PCDHGA4: variants seen among roughly 807,000 people sequenced by gnomAD.
PCDHGA4 encodes protocadherin gamma subfamily A, 4, also known as protocadherin gamma-A4.
PCDHGA4 carries 38 observed loss-of-function variants against 54.6 expected under a neutral mutation model. The observed-to-expected ratio is 0.70, with a 90% CI of 0.54 to 0.91. The LOEUF is 0.91. Among genes scored for constraint, PCDHGA4 ranks in the 40% least tolerant of loss-of-function variants. PCDHGA4 has a pLI of 0.00. For missense variants in PCDHGA4, 1,298 were observed against 1,220.9 expected, an observed-to-expected ratio of 1.06 and a Z score of -0.94; for synonymous variants, 511 against 512.9, an observed-to-expected ratio of 1.00 and a Z score of 0.05.
intron 1 of PCDHGA4, among the ~76,000 whole-genome samples, chr5:141,444,000 A>T (rs2098413157): frequency 6.6e-6 from 1 of 152,070 alleles, no homozygotes; most frequent in African/African-American, 2.4e-5. Context: ...TTTAAATGCT[A>T]CCTGGGTATT....
At position 141,485,791 on chromosome 5, in the gene PCDHGA4, G is replaced by A; in HGVS notation, c.2515-9016G>A. The A allele has an allele frequency of 6.2e-7, 1 of 1,614,196 alleles. No homozygotes were observed. The highest frequency in any genetic ancestry group is 8.5e-7 in the Non-Finnish European group (1 of 1,180,032). ...AGCCTTTGGATCGAGAGAAGCAATC[G>A]GACTACCGCCTGGTGCTGACTGCTG... On this transcript the variant is annotated intron_variant, in intron 1 of 3. Transcript: ENST00000571252. The surrounding 1 kb of genome is among the most constrained non-coding windows in gnomAD (Gnocchi z 5.7).
intron 1 of PCDHGA4, chr5:141,404,997 C>T: frequency 6.2e-7 from 1 of 1,614,034 alleles, no homozygotes; most frequent in East Asian, 2.2e-5. Flanking sequence ...CAGATCCCTG[C>T]AGACCTGGAG....
chr5:141,468,339 A>G (rs1320544911), intron 1 of PCDHGA4: 2 of 151,348 alleles, frequency 1.3e-5, no homozygotes, highest in Non-Finnish European at 2.9e-5. Context: ...TCAAAAAAAA[A>G]AAAAAAAAAA....
At chr5:141,422,500 G>A (rs762511271) in intron 1 of PCDHGA4, 1 of 1,614,008 alleles carries the variant, frequency 6.2e-7, no homozygotes, top group Non-Finnish European at 8.5e-7. Flanking sequence ...AACGTTGACA[G>A]CCACAGACCA....
At chr5:141,383,991 A>C in intron 1 of PCDHGA4, 1 of 1,613,866 alleles carries the variant, frequency 6.2e-7, no homozygotes, top group Non-Finnish European at 8.5e-7. Flanking sequence ...CTCTTGGGAC[A>C]GTCATTGCTC....
rs759642890 is a variant in PCDHGA4 at position 141,389,812 on chromosome 5, C to A, written c.2514+32191C>A. ...GCCGTCCGCCAGCGCCTTCTGGTCG[C>A]CGTGCGTGACGGTGGACAGCCACCA... On this transcript the variant is annotated intron_variant, in intron 1 of 3. Transcript: ENST00000571252. 6.8e-6 allele frequency: 11 copies of A among 1,613,768 alleles called. No individual in the cohort carries two copies. The South Asian group carries it at 1.2e-4, about 18-fold the overall frequency.
rs938964469 is a variant in PCDHGA4 at position 141,485,439 on chromosome 5, C to T, written c.2515-9368C>T. On this transcript the variant is annotated intron_variant, in intron 1 of 3. Transcript: ENST00000571252. This position sits in a 1 kb window ranked among gnomAD's most constrained non-coding sequence, Gnocchi z 5.7. The stretch of plus-strand genomic sequence containing the variant: ...AGCGGAGCCCTGCTCATCAAGAACC[C>T]AATCGACCGAGAGGCACTGTGTGGG... The T allele has an allele frequency of 1.1e-5, 18 of 1,614,182 alleles. No homozygotes were observed. Among genetic ancestry groups the T allele is most frequent in the Non-Finnish European group, 1.5e-5 (18 of 1,180,036 alleles).
chr5:141,428,115 G>A (rs753384738), intron 1 of PCDHGA4: 2 of 1,607,178 alleles, frequency 1.2e-6, no homozygotes, highest in Non-Finnish European at 8.5e-7. Flanking sequence ...GCAGGCCATC[G>A]AGCCCGGGCT....
At chr5:141,419,325 A>C in intron 1 of PCDHGA4, 1 of 1,613,702 alleles carries the variant, frequency 6.2e-7, no homozygotes, top group African/African-American at 1.3e-5. Flanking sequence ...CGTGTCTCCT[A>C]CTCTCTCATT....
intron 1 of PCDHGA4, chr5:141,361,678 T>A (rs192424877): frequency 1.1e-5 from 17 of 1,613,474 alleles, no homozygotes; most frequent in Non-Finnish European, 1.4e-5. Flanking sequence ...CGGGGTGGTG[T>A]TCGCGCAGCG....
chr5:141,365,002 C>T (rs779500238), intron 1 of PCDHGA4: 3 of 1,613,918 alleles, frequency 1.9e-6, no homozygotes, highest in Non-Finnish European at 2.5e-6. Flanking sequence ...TACTCTCCGG[C>T]ACCACGCACA....
Position 141,414,170 on chromosome 5 carries a change from T to C in PCDHGA4, c.2514+56549T>C, listed in dbSNP as rs1411353386. The C allele has an allele frequency of 6.2e-7, 1 of 1,606,208 alleles. No homozygotes were observed. The highest frequency in any genetic ancestry group is 1.7e-5 in the Admixed American group (1 of 58,580). The stretch of plus-strand genomic sequence containing the variant: ...CAAGCAGAAGATGGAGGAGCATATC[T>C]TGCAACTGCAAAAGTGTTGATTACA... On this transcript the variant is annotated intron_variant, in intron 1 of 3. Coordinates refer to ENST00000571252, the MANE Select transcript of PCDHGA4 (RefSeq NM_018917.4).
chr5:141,428,536 A>G (rs981530261), intron 1 of PCDHGA4: 1 of 273,778 alleles, frequency 3.7e-6, no homozygotes, highest in Non-Finnish European at 7.2e-6. Flanking sequence ...TTTTCTCACC[A>G]TGACACCAGA....
chr5:141,508,043 T>A (rs2099865910), intron 3 of PCDHGA4: 1 of 152,252 alleles, frequency 6.6e-6, no homozygotes, highest in Non-Finnish European at 1.5e-5. Context: ...CAGCCAGCTG[T>A]GTTCCAGCTA....
rs1362252002 is a variant in PCDHGA4, at chr5:141,486,112, G to C, written c.2515-8695G>C. ...TGGGGCCCCTAGACTTTGAGAGTGA[G>C]AATTACTATGAATTTGATGTGCGGG... On this transcript the variant is annotated intron_variant, in intron 1 of 3. Coordinates refer to ENST00000571252, the MANE Select transcript of PCDHGA4 (RefSeq NM_018917.4). The surrounding 1 kb of genome is among the most constrained non-coding windows in gnomAD (Gnocchi z 5.0). 6 of 1,614,166 alleles carry C rather than the reference G, an allele frequency of 3.7e-6. No individual in the cohort carries two copies. The highest frequency in any genetic ancestry group is 1.7e-6 in the Non-Finnish European group (2 of 1,180,024).
chr5:141,384,848 G>A, intron 1 of PCDHGA4: 1 of 1,613,600 alleles, frequency 6.2e-7, no homozygotes, highest in Non-Finnish European at 8.5e-7. Flanking sequence ...CAGGACCACG[G>A]TCAGCCTCCT....
At chr5:141,442,674 A>G (rs2098335634) in intron 1 of PCDHGA4, among the ~76,000 whole-genome samples, 1 of 152,272 alleles carries the variant, frequency 6.6e-6, no homozygotes, top group Non-Finnish European at 1.5e-5. Context: ...GGTGAGCTTG[A>G]GGGACAGTAG....
At chr5:141,404,811 G>A (rs2094571358) in intron 1 of PCDHGA4, 1 of 1,606,238 alleles carries the variant, frequency 6.2e-7, no homozygotes, top group African/African-American at 1.4e-5. Flanking sequence ...TTCTCGGTGG[G>A]GCTGCACACA....
At position 141,409,564 on chromosome 5, in the gene PCDHGA4, G is replaced by C. The variant is rs374234556; in HGVS notation, c.2514+51943G>C. ...ACGACAACGCCCCAGTTTTCGACCA[G>C]ACGTCCTACGTGGTCCACGTGGCCG... On this transcript the variant is annotated intron_variant, in intron 1 of 3. Coordinates refer to ENST00000571252, the MANE Select transcript of PCDHGA4 (RefSeq NM_018917.4). The C allele has an allele frequency of 4.0e-5, 64 of 1,613,870 alleles. No individual in the cohort carries two copies. Among genetic ancestry groups the C allele is most frequent in the Non-Finnish European group, 5.2e-5 (61 of 1,179,914 alleles).
Sources: allele counts gnomAD v4.1 joint callset (sites outside exome capture counted in the v4.1 genomes callset), GRCh38; gene constraint gnomAD v4.1.1; non-coding constraint Gnocchi (gnomAD v3.1); transcripts MANE v1.5; gene names NCBI Gene and HGNC (gene_info 2026-07-23, HGNC 2026-07-21).